EXT1: variants seen among roughly 807,000 people sequenced by gnomAD.
EXT1 encodes exostosin glycosyltransferase 1.
EXT1 carries 20 observed loss-of-function variants against 82.5 expected under a neutral mutation model. The observed-to-expected ratio is 0.24, with a 90% confidence interval of 0.17 to 0.35. The LOEUF (loss-of-function observed/expected upper bound fraction) is 0.35, where lower values mean the gene tolerates loss of function less well. Among genes scored for constraint, EXT1 ranks in the 10% least tolerant of loss-of-function variants. EXT1 has a pLI of 1.00. For synonymous variants in EXT1, 348 were observed against 350.8 expected (o/e 0.99, Z 0.09); for missense variants, 757 against 936.5 (o/e 0.81, Z 2.50).
At chr8:117,976,314 A>C (rs2129754102) in intron 1 of EXT1, among the ~76,000 whole-genome samples, 1 of 152,362 alleles carries the variant, frequency 6.6e-6, no homozygotes, top group African/African-American at 2.4e-5. Context: ...AAATACATAC[A>C]TATGAGAATG....
intron 7 of EXT1, among the ~76,000 whole-genome samples, chr8:117,818,110 C>G (rs1020263286): frequency 2.0e-5 from 3 of 152,174 alleles, no homozygotes; most frequent in Admixed American, 6.5e-5. Context: ...TAACTATTGC[C>G]AGCTCCTGAC....
At chr8:118,058,011 G>T (rs1411191369) in intron 1 of EXT1, among the ~76,000 whole-genome samples, 1 of 147,724 alleles carries the variant, frequency 6.8e-6, no homozygotes, top group Non-Finnish European at 1.5e-5. Flanking sequence ...AAAAAAAATC[G>T]AAAGTGATCT....
intron 7 of EXT1, among the ~76,000 whole-genome samples, chr8:117,815,291 T>G (rs891762199): frequency 6.6e-6 from 1 of 152,196 alleles, no homozygotes; most frequent in South Asian, 2.1e-4. Context: ...GCAAATATAT[T>G]GCTTCTAAAT....
At chr8:117,943,883 C>T (rs987280764) in intron 1 of EXT1, among the ~76,000 whole-genome samples, 14 of 152,168 alleles carry the variant, frequency 9.2e-5, no homozygotes, top group Admixed American at 9.2e-4. Flanking sequence ...TGCAGGGTCA[C>T]CTATGCCAGG....
chr8:117,861,526 G>GACCATATCACTTCCCTTC lies in EXT1; in HGVS notation c.963-24326_963-24325insGAAGGGAAGTGATATGGT, dbSNP rs1221699841. ...TTTTTTTTTTTTGAGATAGAGTCTT[G>GACCATATCACTTCCCTTC]CTCTGTCACCCAGGCTGGAGGGCAG... On this transcript the variant is annotated intron_variant, in intron 1 of 10. Transcript: ENST00000378204. Among the ~76,000 whole-genome samples the GACCATATCACTTCCCTTC allele has an allele frequency of 3.3e-3, 276 of 82,774 alleles. 2 individuals carry two copies. Among genetic ancestry groups the GACCATATCACTTCCCTTC allele is most frequent in the Non-Finnish European group, 5.0e-3 (206 of 41,318 alleles). 54.3% of individuals were successfully genotyped at this position (82,774 alleles called of 152,430 possible). A position where few individuals can be genotyped will look rare whatever the true frequency, so the allele number is the denominator to read the frequency against.
chr8:118,035,670 C>G (rs1816406192), intron 1 of EXT1, among the ~76,000 whole-genome samples: 1 of 152,162 alleles, frequency 6.6e-6, no homozygotes, highest in Non-Finnish European at 1.5e-5. Context: ...TTCCCAGTGG[C>G]ACCTTTAAAA....
chr8:117,822,734 T>G, intron 4 of EXT1, 137 bp from the exon 5 acceptor site: 5 of 888,624 alleles, frequency 5.6e-6, no homozygotes, highest in Non-Finnish European at 7.2e-6. Context: ...ATTCTCCGGA[T>G]AAAAATGTCT....
chr8:118,071,425 T>A (rs1422361245), intron 1 of EXT1, among the ~76,000 whole-genome samples: 3 of 151,746 alleles, frequency 2.0e-5, no homozygotes, highest in Admixed American at 1.3e-4. Flanking sequence ...GTGCAGTGAG[T>A]TTTTTACTGT....
At chr8:117,809,218 A>AATATATATATATATATATATATATATAT (rs71307404) in intron 8 of EXT1, among the ~76,000 whole-genome samples, 192 of 107,844 alleles carry the variant, frequency 1.8e-3, no homozygotes, top group Non-Finnish European at 2.7e-3. Context: ...TGTGTGTATA[A>AATATATATATATATATATATATATATAT]ATATATATAT....
At chr8:118,000,127 T>C (rs894704947) in intron 1 of EXT1, among the ~76,000 whole-genome samples, 2 of 152,178 alleles carry the variant, frequency 1.3e-5, no homozygotes, top group Admixed American at 6.5e-5. Context: ...TAATCAAATG[T>C]GATCCTGTTC....
intron 1 of EXT1, among the ~76,000 whole-genome samples, chr8:118,025,980 CAAAGGCTCACGCAGA>C (rs1816194844): frequency 6.6e-6 from 1 of 152,054 alleles, no homozygotes; most frequent in South Asian, 2.1e-4. Flanking sequence ...AAAATGCAGA[CAAAGGCTCACGCAGA>C]AAAGGACTGC....
intron 1 of EXT1, among the ~76,000 whole-genome samples, chr8:117,980,602 A>G (rs17476177): frequency 0.03 from 4,634 of 152,060 alleles, 226 homozygotes; most frequent in African/African-American, 0.11. Context: ...CAGAAGAACA[A>G]CTATTCTCAT....
intron 1 of EXT1, among the ~76,000 whole-genome samples, chr8:117,976,754 T>C (rs1815073217): frequency 6.6e-6 from 1 of 152,232 alleles, no homozygotes; most frequent in African/African-American, 2.4e-5. Flanking sequence ...TAAATATGTT[T>C]AGATATCTCA....
intron 5 of EXT1, among the ~76,000 whole-genome samples, chr8:117,820,297 G>A (rs1004266383): frequency 1.3e-5 from 2 of 152,210 alleles, no homozygotes; most frequent in Middle Eastern, 3.2e-3. Flanking sequence ...CCACTTACTG[G>A]TCGGGGGACC....
At chr8:118,070,526 A>G (rs923907937) in intron 1 of EXT1, among the ~76,000 whole-genome samples, 1 of 152,198 alleles carries the variant, frequency 6.6e-6, no homozygotes, top group Admixed American at 6.5e-5. Flanking sequence ...CAAAACTGAA[A>G]ATAACTGATT....
At chr8:118,054,269 T>C (rs1275658221) in intron 1 of EXT1, among the ~76,000 whole-genome samples, 1 of 152,208 alleles carries the variant, frequency 6.6e-6, no homozygotes, top group African/African-American at 2.4e-5. Context: ...GTAAGTAGGA[T>C]TTCTTGCCCT....
intron 3 of EXT1, among the ~76,000 whole-genome samples, chr8:117,832,040 T>C (rs973532339): frequency 1.3e-5 from 2 of 152,148 alleles, no homozygotes; most frequent in African/African-American, 2.4e-5. Context: ...ATAGAACCTT[T>C]ATCAGTGCAA....
intron 1 of EXT1, among the ~76,000 whole-genome samples, chr8:118,096,213 T>C (rs1404377965): frequency 6.6e-6 from 1 of 152,242 alleles, no homozygotes; most frequent in African/African-American, 2.4e-5. Flanking sequence ...AAGATCATAA[T>C]GTTTTTTCCT....
intron 1 of EXT1, among the ~76,000 whole-genome samples, chr8:117,945,963 C>T (rs145119160): frequency 1.9e-3 from 284 of 152,280 alleles, no homozygotes; most frequent in African/African-American, 6.5e-3. Flanking sequence ...AGTGCAATGG[C>T]GCAATCTCAG....
Sources: gnomAD v4.1 joint callset for allele counts (sites outside exome capture counted in the v4.1 genomes callset) on GRCh38, gnomAD v4.1.1 for gene constraint, MANE v1.5 for transcripts, NCBI Gene and HGNC (gene_info 2026-07-23, HGNC 2026-07-21) for gene names.